The following ZSWIM9 variants were observed in gnomAD, a reference collection of about 807,000 sequenced individuals.
ZSWIM9 encodes uncharacterized protein ZSWIM9.
A neutral mutation model predicts 25.0 loss-of-function variants in ZSWIM9; 11 were observed. The observed-to-expected ratio is 0.44, with a 90% CI of 0.28 to 0.73. The LOEUF (loss-of-function observed/expected upper bound fraction) is 0.73, where lower values mean the gene tolerates loss of function less well. ZSWIM9 is among the 30% of genes least tolerant of loss of function. The probability of loss-of-function intolerance (pLI) is 0.16; values close to 1 mark genes in which losing one functional copy is unlikely to be tolerated. For missense variants in ZSWIM9, 1,070 were observed against 1,296.5 expected (o/e 0.83, Z 2.68); for synonymous variants, 562 against 582.1 (o/e 0.97, Z 0.50).
chr19:48,178,005 C>G (rs952654659), intron 2 of ZSWIM9, among the ~76,000 whole-genome samples: 1 of 152,224 alleles, frequency 6.6e-6, no homozygotes, highest in African/African-American at 2.4e-5. Flanking sequence ...TCAAGCGATT[C>G]TCCTGGCTCA....
chr19:48,196,495 C>T lies in ZSWIM9; in HGVS notation c.2431C>T (p.Arg811Ter). 2 of 1,232,514 alleles carry T rather than the reference C, an allele frequency of 1.6e-6. No individual in the cohort carries two copies. Among genetic ancestry groups the T allele is most frequent in the Non-Finnish European group, 2.0e-6 (2 of 988,300 alleles). 76.3% of individuals were successfully genotyped at this position (1,232,514 alleles called of 1,614,324 possible). A position where few individuals can be genotyped will look rare whatever the true frequency, so the allele number is the denominator to read the frequency against. Residue 811 changes from arginine (R) to a stop codon, truncating the protein, a stop_gained, in exon 4 of 4, where the codon CGA (arginine) becomes TGA (stop). Coordinates refer to ENST00000614654, the MANE Select transcript of ZSWIM9 (RefSeq NM_199341.4). LOFTEE classifies it high-confidence loss of function. ...CCCCAGGGAACCAAAGAGGCTTTGCCGACCCCCGGGAGAGGAGGAGGTGGA... is the reference window on the plus strand; with the variant it reads ...CCCCAGGGAACCAAAGAGGCTTTGCTGACCCCCGGGAGAGGAGGAGGTGGA... ...DGPREPKRLCRPPGEEEVDWE... is the reference protein window; with the variant it reads ...DGPREPKRLC
In ZSWIM9 at chr19:48,195,993, A is replaced by G. The variant is rs1297396516; in HGVS notation, c.1929A>G (p.Ala643=). The G allele has an allele frequency of 3.1e-6, 4 of 1,288,672 alleles. No individual in the cohort carries two copies. The highest frequency in any genetic ancestry group is 6.2e-5 in the East Asian group (2 of 32,100). 79.8% of individuals were successfully genotyped at this position (1,288,672 alleles called of 1,614,324 possible). The change falls in exon 4 of 4, where the codon GCA becomes GCG. Residue 643 remains alanine, a synonymous_variant. Coordinates refer to ENST00000614654, the MANE Select transcript of ZSWIM9 (RefSeq NM_199341.4). The surrounding 1 kb of genome is among the most constrained non-coding windows in gnomAD (Gnocchi z 5.8). ...HDERAGGLRT[A]EWKGPQSEVE... ...AAAGGGCAGGGGGACTGAGAACTGC[A>G]GAATGGAAGGGGCCACAGTCAGAAG... is the stretch of plus-strand genomic sequence containing the variant.
chr19:48,181,322 T>C (rs185273364), intron 2 of ZSWIM9: 34 of 152,302 alleles, frequency 2.2e-4, no homozygotes, highest in African/African-American at 7.9e-4. Flanking sequence ...GAGGTTAACT[T>C]TGCCTGCTGT....
intron 2 of ZSWIM9, among the ~76,000 whole-genome samples, chr19:48,180,245 A>G (rs145736314): frequency 1.1e-4 from 17 of 151,568 alleles, no homozygotes; most frequent in African/African-American, 3.9e-4. Flanking sequence ...TGAATTCCCA[A>G]CCTCAGGTGA....
chr19:48,190,433 A>C (rs1315653793), intron 3 of ZSWIM9: 2 of 154,642 alleles, frequency 1.3e-5, no homozygotes, highest in East Asian at 3.9e-4. Flanking sequence ...ATGTTGGGGG[A>C]GTACTGTTTA....
Position 48,197,243 on chromosome 19 carries a change from G to C in ZSWIM9, c.*416G>C. 2.8e-6 allele frequency: 2 copies of C among 702,492 alleles called. No homozygotes were observed. The highest frequency in any genetic ancestry group is 2.6e-6 in the Non-Finnish European group (1 of 384,820). 43.5% of individuals were successfully genotyped at this position (702,492 alleles called of 1,614,324 possible). ...AGCGGGGAGAGGGGAAAGGGAGAAAGTACAGAAGACAGATGAAGGAGAGGA... is the reference window on the plus strand; with the variant it reads ...AGCGGGGAGAGGGGAAAGGGAGAAACTACAGAAGACAGATGAAGGAGAGGA... On this transcript the variant is annotated 3_prime_UTR_variant, in exon 4 of 4. Transcript: ENST00000614654.
At chr19:48,178,646 G>C (rs183609458) in intron 2 of ZSWIM9, among the ~76,000 whole-genome samples, 1 of 151,694 alleles carries the variant, frequency 6.6e-6, no homozygotes, top group South Asian at 2.1e-4. Flanking sequence ...GCGCGATCTC[G>C]GCTCACTGCA....
rs994161343 is a variant in ZSWIM9, at chr19:48,196,693, C to T, written c.2629C>T (p.Arg877Cys). Residue 877 changes from arginine (R) to cysteine (C), a missense_variant, in exon 4 of 4, where the codon CGC (arginine) becomes TGC (cysteine). Arg to Cys is a radical substitution (Grantham distance 180). This residue lies in a region of ZSWIM9 where 583 missense variants were observed against 624.7 expected (regional missense o/e 0.93). Transcript: ENST00000614654. ...SDFFLDGALT[R>C]CSCSIHAARR... is the part of the protein sequence containing the mutation. ...CTTCTTCCTGGATGGGGCCCTGACA[C>T]GCTGCAGCTGCTCAATTCACGCCGC... 13 of 1,233,050 alleles carry T rather than the reference C, an allele frequency of 1.1e-5. No individual in the cohort carries two copies. The Admixed American group carries it at 3.8e-4, about 36-fold the overall frequency. The allele number at this position is 1,233,050 out of a possible 1,614,324, so 76.4% of individuals were successfully genotyped here. A position where few individuals can be genotyped will look rare whatever the true frequency, so the allele number is the denominator to read the frequency against.
Position 48,196,664 on chromosome 19 carries a change from C to T in ZSWIM9, c.2600C>T (p.Ser867Leu). ...GGCTTTGCCCTTAAGGACGGCACCTCGGACTTCTTCCTGGATGGGGCCCTG... is the reference window on the plus strand; with the variant it reads ...GGCTTTGCCCTTAAGGACGGCACCTTGGACTTCTTCCTGGATGGGGCCCTG... ...GAGFALKDGT[S>L]DFFLDGALTR... The change falls in exon 4 of 4, where the codon TCG (serine) becomes TTG (leucine). Residue 867 changes from serine to leucine, a missense_variant. Coordinates refer to ENST00000614654, the MANE Select transcript of ZSWIM9 (RefSeq NM_199341.4). 8.1e-7 allele frequency: 1 copy of T among 1,232,800 alleles called. No individual in the cohort carries two copies. Among genetic ancestry groups the T allele is most frequent in the Non-Finnish European group, 1.0e-6 (1 of 988,474 alleles). 76.4% of individuals were successfully genotyped at this position (1,232,800 alleles called of 1,614,324 possible). A position where few individuals can be genotyped will look rare whatever the true frequency, so the allele number is the denominator to read the frequency against.
chr19:48,188,359 A>T (rs1398740592), intron 3 of ZSWIM9, among the ~76,000 whole-genome samples: 1 of 151,776 alleles, frequency 6.6e-6, no homozygotes, highest in Non-Finnish European at 1.5e-5. Context: ...AGTAGCTGGG[A>T]CTACAGGCGT....
At position 48,196,896 on chromosome 19, in the gene ZSWIM9, T is replaced by C. The variant is rs1414992255; in HGVS notation, c.*69T>C. On this transcript the variant is annotated 3_prime_UTR_variant, in exon 4 of 4. Transcript: ENST00000614654. Reference sequence around the variant, plus strand: ...GGGCATTCTTCGATCCCAAAGATAATAGGGCTGAGGCCAAGGAGACCGTTG... The same window carrying C: ...GGGCATTCTTCGATCCCAAAGATAACAGGGCTGAGGCCAAGGAGACCGTTG... The C allele has an allele frequency of 8.0e-7, 1 of 1,244,986 alleles. No homozygotes were observed. 77.1% of individuals were successfully genotyped at this position (1,244,986 alleles called of 1,614,324 possible). A position where few individuals can be genotyped will look rare whatever the true frequency, so the allele number is the denominator to read the frequency against.
At chr19:48,171,693 G>A (rs2036815239) in intron 1 of ZSWIM9, 101 bp from the exon 2 acceptor site, 3 of 1,181,066 alleles carry the variant, frequency 2.5e-6, no homozygotes, top group Non-Finnish European at 3.5e-6. Context: ...CACCTCGATA[G>A]AGGCACCAGC....
At chr19:48,188,301 C>G (rs907544291) in intron 3 of ZSWIM9, among the ~76,000 whole-genome samples, 1 of 151,802 alleles carries the variant, frequency 6.6e-6, no homozygotes, top group Non-Finnish European at 1.5e-5. Context: ...TGGCTCAGCA[C>G]GACCTCCATC....
Position 48,194,670 on chromosome 19 carries a change from G to A in ZSWIM9, c.606G>A (p.Val202=). The change falls in exon 4 of 4, where the codon GTG becomes GTA. Residue 202 remains valine (V), a synonymous_variant. Transcript: ENST00000614654. The surrounding 1 kb of genome is among the most constrained non-coding windows in gnomAD (Gnocchi z 6.0). ...DPEAKVKLVF[V]EDQAVVETVF... Reference sequence around the variant, plus strand: ...GCCCGCAGGTGAAGCTGGTGTTCGTGGAGGACCAGGCTGTGGTGGAGACGG... The same window carrying A: ...GCCCGCAGGTGAAGCTGGTGTTCGTAGAGGACCAGGCTGTGGTGGAGACGG... 1 of 1,502,230 alleles carries A rather than the reference G, an allele frequency of 6.7e-7. No individual in the cohort carries two copies. The highest frequency in any genetic ancestry group is 8.9e-7 in the Non-Finnish European group (1 of 1,126,798). The allele number at this position is 1,502,230 out of a possible 1,614,324, so 93.1% of individuals were successfully genotyped here. A position where few individuals can be genotyped will look rare whatever the true frequency, so the allele number is the denominator to read the frequency against.
intron 2 of ZSWIM9, among the ~76,000 whole-genome samples, chr19:48,174,528 C>T (rs2036873560): frequency 6.6e-6 from 1 of 152,124 alleles, no homozygotes; most frequent in Non-Finnish European, 1.5e-5. Flanking sequence ...TCAGTTTCCT[C>T]ATGTGGAAAA....
chr19:48,188,571 T>G (rs1199523353), intron 3 of ZSWIM9, among the ~76,000 whole-genome samples: 1 of 152,170 alleles, frequency 6.6e-6, no homozygotes, highest in African/African-American at 2.4e-5. Flanking sequence ...TGATGGGCTT[T>G]GGGGTCCAGT....
At chr19:48,183,007 T>C in intron 3 of ZSWIM9, 1 of 519,684 alleles carries the variant, frequency 1.9e-6, no homozygotes, top group South Asian at 2.6e-5. Context: ...TAGAACTTTC[T>C]TCCAGGATGG....
At chr19:48,179,496 G>A (rs1004216157) in intron 2 of ZSWIM9, among the ~76,000 whole-genome samples, 6 of 152,128 alleles carry the variant, frequency 3.9e-5, no homozygotes, top group African/African-American at 1.4e-4. Context: ...CTACAGTGTT[G>A]GTTGCAACTC....
rs1329961848 is a variant in ZSWIM9 at position 48,194,868 on chromosome 19, G to A, written c.804G>A (p.Pro268=). 2.2e-6 allele frequency: 3 copies of A among 1,349,354 alleles called. No homozygotes were observed. Among genetic ancestry groups the A allele is most frequent in the East Asian group, 3.4e-5 (1 of 29,806 alleles). 83.6% of individuals were successfully genotyped at this position (1,349,354 alleles called of 1,614,324 possible). Reference sequence around the variant, plus strand: ...GCTGCGTGGCGCGCCCGGGCACACCGAGCCTGCTGCGCTTCGCGCTCGCGT... The same window carrying A: ...GCTGCGTGGCGCGCCCGGGCACACCAAGCCTGCTGCGCTTCGCGCTCGCGT... The part of the protein sequence containing the change: ...AACCVARPGT[P]SLLRFALASL... Residue 268 remains proline (P), a synonymous_variant, in exon 4 of 4, where the codon CCG becomes CCA. Coordinates refer to ENST00000614654, the MANE Select transcript of ZSWIM9 (RefSeq NM_199341.4). This position sits in a 1 kb window ranked among gnomAD's most constrained non-coding sequence, Gnocchi z 6.0.
Sources: gnomAD v4.1 joint callset for allele counts (sites outside exome capture counted in the v4.1 genomes callset) on GRCh38, gnomAD v4.1.1 for gene constraint, gnomAD v4.1.1 regional missense constraint, Gnocchi (gnomAD v3.1) non-coding constraint, MANE v1.5 for transcripts, NCBI Gene and HGNC (gene_info 2026-07-23, HGNC 2026-07-21) for gene names.